Variants in PEX14 observed in about 807,000 individuals in gnomAD.
PEX14 encodes the protein peroxisomal membrane protein PEX14.
In PEX14, 15 loss-of-function variants were observed where a neutral mutation model predicts 49.5. That is an observed-to-expected ratio of 0.30 (90% CI 0.20 to 0.47). The LOEUF is 0.47. Among genes scored for constraint, PEX14 ranks in the 20% least tolerant of loss-of-function variants. The pLI, the probability that PEX14 is intolerant of heterozygous loss-of-function variation, is 1.00. For synonymous variants in PEX14, 210 were observed against 212.7 expected, an observed-to-expected ratio of 0.99 and a Z score of 0.11; for missense variants, 398 against 494.8, an observed-to-expected ratio of 0.80 and a Z score of 1.86.
At chr1:10,513,239 GT>G (rs34946937) in intron 2 of PEX14, among the ~76,000 whole-genome samples, 62,098 of 152,006 alleles carry the variant, frequency 0.41, 14,309 homozygotes, top group East Asian at 0.54. Flanking sequence ...ATAGAATGCT[GT>G]TTTTCACCCA....
At chr1:10,500,627 T>G (rs992472109) in intron 2 of PEX14, among the ~76,000 whole-genome samples, 6 of 152,028 alleles carry the variant, frequency 3.9e-5, no homozygotes, top group Non-Finnish European at 7.4e-5. Context: ...CAGGCTGGAG[T>G]GCAGTGGTGC....
At chr1:10,598,473 A>G (rs1039850546) in intron 3 of PEX14, among the ~76,000 whole-genome samples, 1 of 152,124 alleles carries the variant, frequency 6.6e-6, no homozygotes, top group African/African-American at 2.4e-5. Flanking sequence ...TCTGTGGGCA[A>G]ATCCTCTCCA....
chr1:10,484,768 C>G (rs1326699596), intron 1 of PEX14, among the ~76,000 whole-genome samples: 2 of 151,624 alleles, frequency 1.3e-5, no homozygotes, highest in Non-Finnish European at 2.9e-5. Flanking sequence ...TTGTTGGTGG[C>G]ATTCAGTTCC....
At chr1:10,525,236 C>T (rs1255162715) in intron 2 of PEX14, among the ~76,000 whole-genome samples, 1 of 151,852 alleles carries the variant, frequency 6.6e-6, no homozygotes, top group African/African-American at 2.4e-5. Context: ...TACCTTGATA[C>T]TAAAGACAGT....
chr1:10,474,998 G>A lies in PEX14; in HGVS notation c.32G>A (p.Ser11Asn), dbSNP rs2124356828. 2.5e-6 allele frequency: 4 copies of A among 1,610,146 alleles called. No individual in the cohort carries two copies. Among genetic ancestry groups the A allele is most frequent in the East Asian group, 2.2e-5 (1 of 44,758 alleles). MASSEQAEQP[S>N]QPSSTPGSEN... ...TCCTCGGAGCAGGCAGAGCAGCCGAGCCAGGTAAGGGGAGTGGGACTGCCC... is the reference window on the plus strand; with the variant it reads ...TCCTCGGAGCAGGCAGAGCAGCCGAACCAGGTAAGGGGAGTGGGACTGCCC... The change falls in exon 1 of 9, where the codon AGC (serine) becomes AAC (asparagine). Residue 11 changes from serine (S) to asparagine (N), a missense_variant. This residue lies in a region of PEX14 where 56 missense variants were observed against 40.8 expected (regional missense o/e 1.37). Coordinates refer to ENST00000356607, the MANE Select transcript of PEX14 (RefSeq NM_004565.3).
chr1:10,537,441 G>C (rs1281689363), intron 3 of PEX14, among the ~76,000 whole-genome samples: 1 of 145,528 alleles, frequency 6.9e-6, no homozygotes, highest in Non-Finnish European at 1.5e-5. Flanking sequence ...GTTTTTCCTT[G>C]AAATATGTGT....
chr1:10,516,349 G>A (rs1455441755), intron 2 of PEX14, among the ~76,000 whole-genome samples: 1 of 152,240 alleles, frequency 6.6e-6, no homozygotes, highest in Non-Finnish European at 1.5e-5. Context: ...CTTTGTAGAA[G>A]AGTGTGTCTA....
At chr1:10,576,402 G>A (rs6540938) in intron 3 of PEX14, among the ~76,000 whole-genome samples, 93,065 of 151,550 alleles carry the variant, frequency 0.61, 29,790 homozygotes, top group Admixed American at 0.7. Flanking sequence ...ATTTTTTATT[G>A]TCTTCTTACA....
At chr1:10,536,608 G>A in intron 3 of PEX14, 1 of 369,860 alleles carries the variant, frequency 2.7e-6, no homozygotes, top group Non-Finnish European at 5.2e-6. Flanking sequence ...TTTTTGGTCT[G>A]CTCTGTGTCA....
At chr1:10,595,124 G>A (rs1640800483) in intron 3 of PEX14, among the ~76,000 whole-genome samples, 1 of 152,142 alleles carries the variant, frequency 6.6e-6, no homozygotes, top group Non-Finnish European at 1.5e-5. Flanking sequence ...GAGCTCTTCT[G>A]GAGGTTTTTG....
intron 2 of PEX14, among the ~76,000 whole-genome samples, chr1:10,496,180 G>A (rs973800256): frequency 2.6e-5 from 4 of 152,276 alleles, no homozygotes; most frequent in Middle Eastern, 3.4e-3. Context: ...CAGTGTGTAC[G>A]AAGGCTTTCC....
intron 4 of PEX14, among the ~76,000 whole-genome samples, chr1:10,609,771 G>A (rs867694420): frequency 6.6e-6 from 1 of 152,234 alleles, no homozygotes; most frequent in Admixed American, 6.5e-5. Context: ...TGTAATCCCA[G>A]CTACTCGAGA....
rs1641900993 is a variant in PEX14 at position 10,512,472 on chromosome 1, C to T, written c.84+17151C>T. Among the ~76,000 whole-genome samples the T allele has an allele frequency of 6.6e-6, 1 of 152,138 alleles. No individual in the cohort carries two copies. The highest frequency in any genetic ancestry group is 1.5e-5 in the Non-Finnish European group (1 of 68,034). On this transcript the variant is annotated intron_variant, in intron 2 of 8. Transcript: ENST00000356607. The surrounding 1 kb of genome is among the most constrained non-coding windows in gnomAD (Gnocchi z 4.6). ...GAATTTTAATGAAGGTGGGGTGGAT[C>T]CCTGATGTTCGCCTGCTTTGAAGCA...
chr1:10,483,078 G>T (rs914157561), intron 1 of PEX14, among the ~76,000 whole-genome samples: 4 of 152,196 alleles, frequency 2.6e-5, no homozygotes, highest in Non-Finnish European at 4.4e-5. Flanking sequence ...TTGATTGTTT[G>T]GTTAAGGTGG....
rs532350155 is a variant in PEX14 at position 10,589,650 on chromosome 1, C to A, written c.170-9588C>A. ...CTGGTCTCAAACTCCTGGGCTCAAG[C>A]AGTCTGCCCGCCTTGGCCTCCCAAA... On this transcript the variant is annotated intron_variant, in intron 3 of 8. Transcript: ENST00000356607. Among the ~76,000 whole-genome samples the A allele has an allele frequency of 1.3e-4, 20 of 152,258 alleles. No individual in the cohort carries two copies. The South Asian group carries it at 3.5e-3, about 27-fold the overall frequency.
chr1:10,624,465 C>G, intron 7 of PEX14, 28 bp downstream of exon 7: 1 of 1,438,174 alleles, frequency 7.0e-7, no homozygotes, highest in Non-Finnish European at 9.8e-7. Flanking sequence ...ACAGGGCCCT[C>G]CAGGCCCAGG....
chr1:10,556,498 T>C (rs1039246622), intron 3 of PEX14, among the ~76,000 whole-genome samples: 2 of 152,096 alleles, frequency 1.3e-5, no homozygotes, highest in African/African-American at 4.8e-5. Context: ...GGCGACAGTG[T>C]GATAATCGTC....
At chr1:10,608,842 G>C (rs1022383631) in intron 4 of PEX14, among the ~76,000 whole-genome samples, 1 of 152,034 alleles carries the variant, frequency 6.6e-6, no homozygotes, top group Non-Finnish European at 1.5e-5. Context: ...ACCGAGTGAT[G>C]CAGCTGTCAC....
rs998528675 is a variant in PEX14 at position 10,529,549 on chromosome 1, A to G, written c.85-6664A>G. 3.3e-5 allele frequency among the ~76,000 whole-genome samples: 5 copies of G among 152,258 alleles called. No homozygotes were observed. The highest frequency in any genetic ancestry group is 5.9e-5 in the Non-Finnish European group (4 of 68,044). On this transcript the variant is annotated intron_variant, in intron 2 of 8. Transcript: ENST00000356607. This position sits in a 1 kb window ranked among gnomAD's most constrained non-coding sequence, Gnocchi z 4.2. The stretch of plus-strand genomic sequence containing the variant: ...TGACATTCTGGCAAGCAGTTCATGC[A>G]ATATTTTTAACTAAGGCCAAGGGAA...
Sources: gnomAD v4.1 joint callset for allele counts (sites outside exome capture counted in the v4.1 genomes callset) on GRCh38, gnomAD v4.1.1 for gene constraint, gnomAD v4.1.1 regional missense constraint, Gnocchi (gnomAD v3.1) non-coding constraint, MANE v1.5 for transcripts, NCBI Gene and HGNC (gene_info 2026-07-23, HGNC 2026-07-21) for gene names.